HABP4: variants seen among roughly 807,000 people sequenced by gnomAD.
HABP4 encodes the protein intracellular hyaluronan-binding protein 4.
Under a neutral mutation model 44.1 loss-of-function variants are expected in HABP4, and 32 were observed. The observed-to-expected ratio is 0.73, with a 90% CI of 0.55 to 0.97. The LOEUF is 0.97. HABP4 is among the 50% of genes least tolerant of loss of function. The pLI, the probability that HABP4 is intolerant of heterozygous loss-of-function variation, is 0.00. For missense variants in HABP4, 503 were observed against 561.9 expected, an observed-to-expected ratio of 0.90 and a Z score of 1.06; for synonymous variants, 216 against 218.0, an observed-to-expected ratio of 0.99 and a Z score of 0.08.
intron 5 of HABP4, among the ~76,000 whole-genome samples, chr9:96,472,186 C>T (rs1424081645): frequency 6.6e-6 from 1 of 152,188 alleles, no homozygotes; most frequent in Non-Finnish European, 1.5e-5. Flanking sequence ...ACTCCACTAT[C>T]TGCCTTCTCT....
At chr9:96,453,120 G>T (rs1832316347) in intron 1 of HABP4, among the ~76,000 whole-genome samples, 1 of 135,028 alleles carries the variant, frequency 7.4e-6, no homozygotes, top group South Asian at 2.3e-4. Flanking sequence ...GAGACAGAGT[G>T]CAGTGGCGGG....
chr9:96,450,969 C>T lies in HABP4; in HGVS notation c.349+341C>T, dbSNP rs1415860490. Among the ~76,000 whole-genome samples, 2 of 152,196 alleles carry T rather than the reference C, an allele frequency of 1.3e-5. No homozygotes were observed. Among genetic ancestry groups the T allele is most frequent in the African/African-American group, 4.8e-5 (2 of 41,446 alleles). ...TACCCCGGGGCTCCCACATCCAGAC[C>T]TGGCGGGGACCTTCATCTTCCAGCC... On this transcript the variant is annotated intron_variant, in intron 1 of 7. Transcript: ENST00000375249. The surrounding 1 kb of genome is among the most constrained non-coding windows in gnomAD (Gnocchi z 4.8).
At position 96,490,062 on chromosome 9, in the gene HABP4, CG is replaced by C; in HGVS notation, c.*26del. 1 of 1,449,448 alleles carries C rather than the reference CG, an allele frequency of 6.9e-7. No individual in the cohort carries two copies. Among genetic ancestry groups the C allele is most frequent in the Non-Finnish European group, 9.7e-7 (1 of 1,029,456 alleles). 89.8% of individuals were successfully genotyped at this position (1,449,448 alleles called of 1,614,324 possible). A position where few individuals can be genotyped will look rare whatever the true frequency, so the allele number is the denominator to read the frequency against. Reference sequence around the variant, plus strand: ...GAAAGAGCCCTGTTTCCCAGCACCGCGGAGCTGCACTGCACACCTGTGGGGA... The same window carrying C: ...GAAAGAGCCCTGTTTCCCAGCACCGCGAGCTGCACTGCACACCTGTGGGGA... On this transcript the variant is annotated 3_prime_UTR_variant, in exon 8 of 8. Transcript: ENST00000375249.
At chr9:96,451,233 T>G (rs1345162665) in intron 1 of HABP4, among the ~76,000 whole-genome samples, 1 of 152,216 alleles carries the variant, frequency 6.6e-6, no homozygotes, top group Non-Finnish European at 1.5e-5. Context: ...TCGTGTGGTG[T>G]TGATGGGATG....
At chr9:96,473,882 A>T (rs1046034362) in intron 5 of HABP4, among the ~76,000 whole-genome samples, 4 of 152,232 alleles carry the variant, frequency 2.6e-5, no homozygotes, top group African/African-American at 9.6e-5. Flanking sequence ...ACAGACATTG[A>T]ACCAGTGTGA....
chr9:96,485,351 G>A (rs1010815039), intron 6 of HABP4, among the ~76,000 whole-genome samples: 1 of 152,178 alleles, frequency 6.6e-6, no homozygotes, highest in Admixed American at 6.5e-5. Flanking sequence ...GCACCTGGCC[G>A]AGTAGTTGAT....
chr9:96,458,302 C>A, intron 1 of HABP4, 77 bp from the exon 2 acceptor site: 1 of 1,361,328 alleles, frequency 7.3e-7, no homozygotes, highest in Non-Finnish European at 1.1e-6. Flanking sequence ...ATGAAATTTA[C>A]AAGTACCTGT....
intron 2 of HABP4, among the ~76,000 whole-genome samples, chr9:96,463,972 A>G (rs906457931): frequency 2.0e-5 from 3 of 152,210 alleles, no homozygotes; most frequent in African/African-American, 7.2e-5. Context: ...TTATTAAACT[A>G]TTGTTACAAT....
chr9:96,472,015 C>G (rs532701489), intron 5 of HABP4, among the ~76,000 whole-genome samples: 1 of 152,212 alleles, frequency 6.6e-6, no homozygotes, highest in East Asian at 1.9e-4. Flanking sequence ...TCTTGAACTC[C>G]CAACCTCAGG....
At chr9:96,486,954 G>A (rs1487431027) in intron 6 of HABP4, among the ~76,000 whole-genome samples, 3 of 152,090 alleles carry the variant, frequency 2.0e-5, no homozygotes, top group Admixed American at 6.5e-5. Flanking sequence ...CCTTACCAGC[G>A]CTTCCCTGCT....
At chr9:96,475,390 C>CAAAAAAAAAAAAAAAAAAA (rs61553823) in intron 5 of HABP4, among the ~76,000 whole-genome samples, 8 of 94,152 alleles carry the variant, frequency 8.5e-5, no homozygotes, top group African/African-American at 2.8e-4. Context: ...ACAACAACAA[C>CAAAAAAAAAAAAAAAAAAA]AAAAAAAAAA....
Position 96,450,557 on chromosome 9 carries a change from A to C in HABP4, c.278A>C (p.Lys93Thr). 7.9e-7 allele frequency: 1 copy of C among 1,268,180 alleles called. No individual in the cohort carries two copies. 78.6% of individuals were successfully genotyped at this position (1,268,180 alleles called of 1,614,324 possible). ...AGAGGRRESQ[K>T]ERKSLPAPVA... ...GCGGGCGGCCGGAGGGAGTCGCAGA[A>C]GGAGCGCAAGAGCCTCCCGGCGCCC... The change falls in exon 1 of 8, where the codon AAG (lysine) becomes ACG (threonine). Residue 93 changes from lysine to threonine, a missense_variant. This residue lies in a region of HABP4 where 290 missense variants were observed against 300.5 expected (regional missense o/e 0.97). Coordinates refer to ENST00000375249, the MANE Select transcript of HABP4 (RefSeq NM_014282.4). This position sits in a 1 kb window ranked among gnomAD's most constrained non-coding sequence, Gnocchi z 4.8.
rs554449341 is a variant in HABP4, at chr9:96,491,222, A to AGAT, written c.*1186_*1188dup. ...GTCACACAGTTCATATGCTCGCTTG[A>AGAT]GATGGAATCTGAACCTTGGTCCCAG... On this transcript the variant is annotated 3_prime_UTR_variant, in exon 8 of 8. Transcript: ENST00000375249. 6.6e-5 allele frequency: 10 copies of AGAT among 152,408 alleles called. No individual in the cohort carries two copies. In the East Asian group the frequency reaches 1.2e-3, roughly 18 times the overall value. The allele number at this position is 152,408 out of a possible 1,614,324, so 9.4% of individuals were successfully genotyped here. A position where few individuals can be genotyped will look rare whatever the true frequency, so the allele number is the denominator to read the frequency against.
chr9:96,471,555 G>C (rs1172101260), intron 5 of HABP4, among the ~76,000 whole-genome samples: 3 of 152,122 alleles, frequency 2.0e-5, no homozygotes, highest in Non-Finnish European at 1.5e-5. Context: ...TTAATAATTA[G>C]TTCAGACAAC....
intron 1 of HABP4, among the ~76,000 whole-genome samples, chr9:96,452,190 G>A (rs1281512848): frequency 1.4e-5 from 2 of 144,682 alleles, no homozygotes; most frequent in Admixed American, 1.4e-4. Flanking sequence ...TCGAGCCACT[G>A]TACTCCAGTC....
intron 1 of HABP4, among the ~76,000 whole-genome samples, chr9:96,457,879 G>A (rs1325364687): frequency 1.3e-5 from 2 of 151,962 alleles, no homozygotes; most frequent in South Asian, 2.1e-4. Flanking sequence ...CTCAAAATAA[G>A]TAATTAAGTA....
chr9:96,456,472 T>C lies in HABP4; in HGVS notation c.350-1907T>C, dbSNP rs572340155. ...AGGGAAGTCTAATAGTTAAAAAATA[T>C]AACTGTGGCCAAGGGCAGTGGCTCA... On this transcript the variant is annotated intron_variant, in intron 1 of 7. Transcript: ENST00000375249. Among the ~76,000 whole-genome samples, 6 of 151,910 alleles carry C rather than the reference T, an allele frequency of 3.9e-5. No homozygotes were observed. The South Asian group carries it at 1.2e-3, about 32-fold the overall frequency.
In HABP4 at chr9:96,465,371, A is replaced by G. The variant is rs763936954; in HGVS notation, c.547A>G (p.Arg183Gly). 3.1e-6 allele frequency: 5 copies of G among 1,611,092 alleles called. No homozygotes were observed. The Admixed American group carries it at 8.3e-5, about 27-fold the overall frequency. Residue 183 changes from arginine (R) to glycine (G), a missense_variant, in exon 3 of 8, where the codon AGA becomes GGA. Physicochemically the swap from Arg to Gly is moderately radical, Grantham distance 125. Coordinates refer to ENST00000375249, the MANE Select transcript of HABP4 (RefSeq NM_014282.4). ...GDRFDRDRPL[R>G]GRGGPRGGMR... Reference sequence around the variant, plus strand: ...TAGGTTTGATCGAGACAGACCGTTGAGAGGACGTGGAGGCCCGAGAGGGGG... The same window carrying G: ...TAGGTTTGATCGAGACAGACCGTTGGGAGGACGTGGAGGCCCGAGAGGGGG...
At chr9:96,463,616 G>T (rs529750979) in intron 2 of HABP4, among the ~76,000 whole-genome samples, 1 of 152,260 alleles carries the variant, frequency 6.6e-6, no homozygotes, top group African/African-American at 2.4e-5. Flanking sequence ...CTATAGTTTA[G>T]AATCAGGTTT....
Sources: gnomAD v4.1 joint callset for allele counts (sites outside exome capture counted in the v4.1 genomes callset) on GRCh38, gnomAD v4.1.1 for gene constraint, gnomAD v4.1.1 regional missense constraint, Gnocchi (gnomAD v3.1) non-coding constraint, MANE v1.5 for transcripts, NCBI Gene and HGNC (gene_info 2026-07-23, HGNC 2026-07-21) for gene names.